Variants in NDST3 observed in about 807,000 individuals in gnomAD.
NDST3 encodes the protein bifunctional heparan sulfate N-deacetylase/N-sulfotransferase 3.
A neutral mutation model predicts 96.1 loss-of-function variants in NDST3; 58 were observed. The ratio of observed to expected loss-of-function variants is 0.60; its 90% CI spans 0.49 to 0.75. NDST3 has a LOEUF of 0.75. Ranked by LOEUF, NDST3 falls within the 30% of genes least tolerant of loss-of-function variation. NDST3 has a pLI of 0.00. For synonymous variants in NDST3, 333 were observed against 359.7 expected (o/e 0.93, Z 0.84); for missense variants, 788 against 1,034.2 (o/e 0.76, Z 3.27).
intron 3 of NDST3, among the ~76,000 whole-genome samples, chr4:118,105,934 G>T (rs1730144324): frequency 6.6e-6 from 1 of 152,176 alleles, no homozygotes; most frequent in Admixed American, 6.5e-5. Context: ...CCAACAGTAT[G>T]AGTGTTCCTG....
At chr4:118,187,074 T>A (rs980324995) in intron 6 of NDST3, among the ~76,000 whole-genome samples, 6 of 152,136 alleles carry the variant, frequency 3.9e-5, no homozygotes, top group African/African-American at 1.4e-4. Flanking sequence ...ATTAAATAGA[T>A]CAAAGAATTA....
At chr4:118,063,477 T>C (rs939548262) in intron 2 of NDST3, among the ~76,000 whole-genome samples, 1 of 152,150 alleles carries the variant, frequency 6.6e-6, no homozygotes, top group African/African-American at 2.4e-5. Flanking sequence ...GAGAAAATTG[T>C]ACGATTTGCC....
At chr4:118,107,981 G>T (rs1486954798) in intron 3 of NDST3, among the ~76,000 whole-genome samples, 1 of 152,186 alleles carries the variant, frequency 6.6e-6, no homozygotes, top group Non-Finnish European at 1.5e-5. Context: ...CATGGCTGGG[G>T]AGGCCTCACA....
intron 3 of NDST3, among the ~76,000 whole-genome samples, chr4:118,113,404 G>A (rs567625005): frequency 8.5e-5 from 13 of 152,294 alleles, no homozygotes; most frequent in Admixed American, 3.9e-4. Context: ...TTAAGCATGC[G>A]AAAGTGAAAC....
In NDST3 at chr4:118,054,161, T is replaced by C; in HGVS notation, c.251T>C (p.Val84Ala). ...ACAGACCCCACAGTCCTAGTATTTG[T>C]AGAGAGCCAGTACTCATCTCTTGGT... ...SRTDPTVLVFVESQYSSLGQD... is the reference protein window; with the variant it reads ...SRTDPTVLVFAESQYSSLGQD... Residue 84 changes from valine (V) to alanine (A), a missense_variant, in exon 2 of 14, where the codon GTA becomes GCA. Val to Ala is a moderately conservative substitution (Grantham distance 64). This residue lies in a region of NDST3 where 234 missense variants were observed against 256.9 expected (regional missense o/e 0.91). Coordinates refer to ENST00000296499, the MANE Select transcript of NDST3 (RefSeq NM_004784.3). 6.2e-7 allele frequency: 1 copy of C among 1,613,102 alleles called. No individual in the cohort carries two copies.
intron 1 of NDST3, among the ~76,000 whole-genome samples, chr4:118,041,275 T>C (rs1724450306): frequency 6.6e-6 from 1 of 152,198 alleles, no homozygotes; most frequent in African/African-American, 2.4e-5. Flanking sequence ...TGTGACATCA[T>C]GGGCAGGTTA....
At position 118,094,466 on chromosome 4, in the gene NDST3, G is replaced by A. The variant is rs556394992; in HGVS notation, c.982-10552G>A. On this transcript the variant is annotated intron_variant, in intron 2 of 13. Coordinates refer to ENST00000296499, the MANE Select transcript of NDST3 (RefSeq NM_004784.3). ...CCTTCTTTTTCCTCACTGAAGCAAG[G>A]GTTCCCAACCAATATTGATTATCTA... Among the ~76,000 whole-genome samples the A allele has an allele frequency of 7.9e-5, 12 of 151,820 alleles. No homozygotes were observed. In the South Asian group the frequency reaches 2.5e-3, roughly 32 times the overall value.
intron 2 of NDST3, among the ~76,000 whole-genome samples, chr4:118,092,562 A>G (rs920400945): frequency 6.6e-6 from 1 of 151,626 alleles, no homozygotes; most frequent in Non-Finnish European, 1.5e-5. Flanking sequence ...CTTCCAGTCC[A>G]CCTTCTCTGG....
At chr4:118,077,752 C>T (rs1263487861) in intron 2 of NDST3, among the ~76,000 whole-genome samples, 1 of 152,244 alleles carries the variant, frequency 6.6e-6, no homozygotes, top group Non-Finnish European at 1.5e-5. Flanking sequence ...CAGCAAGTCT[C>T]ACTTGGCGAT....
At chr4:118,152,320 A>G (rs980436091) in intron 6 of NDST3, among the ~76,000 whole-genome samples, 2 of 152,208 alleles carry the variant, frequency 1.3e-5, no homozygotes, top group Admixed American at 1.3e-4. Flanking sequence ...AAGTTACCTC[A>G]GGTAATGGGA....
At chr4:118,238,121 AAGAGAGAGAGAG>A (rs377411135) in intron 10 of NDST3, among the ~76,000 whole-genome samples, 2 of 91,406 alleles carry the variant, frequency 2.2e-5, no homozygotes, top group African/African-American at 3.1e-5. Context: ...CTGTCAAAAG[AAGAGAGAGAGAG>A]AGAGAGAGAG....
intron 2 of NDST3, among the ~76,000 whole-genome samples, chr4:118,063,006 C>A (rs1401328746): frequency 2.0e-5 from 3 of 152,002 alleles, no homozygotes; most frequent in Admixed American, 6.6e-5. Context: ...GCTTGACCAA[C>A]ATGGAGAAAC....
intron 2 of NDST3, among the ~76,000 whole-genome samples, chr4:118,066,682 C>T (rs62651507): frequency 0.89 from 105 of 118 alleles, 47 homozygotes; most frequent in Non-Finnish European, 1. Flanking sequence ...TTATATATAA[C>T]ATGTTATATA....
chr4:118,155,556 T>C (rs1263948204), intron 6 of NDST3, among the ~76,000 whole-genome samples: 1 of 152,246 alleles, frequency 6.6e-6, no homozygotes, highest in Non-Finnish European at 1.5e-5. Context: ...TTCCTAAATA[T>C]ATGTAGAGCT....
At chr4:118,189,977 A>G (rs997948601) in intron 6 of NDST3, among the ~76,000 whole-genome samples, 12 of 151,956 alleles carry the variant, frequency 7.9e-5, no homozygotes, top group Admixed American at 2.6e-4. Context: ...AATTTTGCCT[A>G]TTTTTTAGTC....
rs147619730 is a variant in NDST3, at chr4:118,053,928, G to A, written c.18G>A (p.Lys6=). The change falls in exon 2 of 14, where the codon AAG becomes AAA. Residue 6 remains lysine (K), a synonymous_variant. Coordinates refer to ENST00000296499, the MANE Select transcript of NDST3 (RefSeq NM_004784.3). ...CCTACAACATGAGTTTTATCATGAAGCTTCACAGACACTTTCAAAGAACAG... is the reference window on the plus strand; with the variant it reads ...CCTACAACATGAGTTTTATCATGAAACTTCACAGACACTTTCAAAGAACAG... The part of the protein sequence containing the change: MSFIM[K]LHRHFQRTVI... 1.2e-3 allele frequency: 1,867 copies of A among 1,604,924 alleles called. 39 individuals carry two copies. The South Asian group carries it at 0.019, about 17-fold the overall frequency.
At chr4:118,222,886 G>C (rs1240659539) in intron 6 of NDST3, among the ~76,000 whole-genome samples, 1 of 151,806 alleles carries the variant, frequency 6.6e-6, no homozygotes, top group Non-Finnish European at 1.5e-5. Flanking sequence ...GAATTCAAAG[G>C]GATTTCGAAT....
intron 3 of NDST3, among the ~76,000 whole-genome samples, chr4:118,114,400 T>C (rs1279187808): frequency 6.6e-6 from 1 of 152,220 alleles, no homozygotes; most frequent in Non-Finnish European, 1.5e-5. Flanking sequence ...ACACAGCCCA[T>C]GTCACAATGA....
chr4:118,227,485 C>T (rs891190779), intron 8 of NDST3, among the ~76,000 whole-genome samples: 8 of 151,964 alleles, frequency 5.3e-5, no homozygotes, highest in Non-Finnish European at 1.2e-4. Flanking sequence ...AGCAGAATTC[C>T]TAGACATACA....
Sources: gnomAD v4.1 joint callset for allele counts (sites outside exome capture counted in the v4.1 genomes callset) on GRCh38, gnomAD v4.1.1 for gene constraint, gnomAD v4.1.1 regional missense constraint, MANE v1.5 for transcripts, NCBI Gene and HGNC (gene_info 2026-07-23, HGNC 2026-07-21) for gene names.